RGSL1: variants seen among roughly 807,000 people sequenced by gnomAD.
The protein encoded by RGSL1 is regulator of G protein signaling protein-like.
Under a neutral mutation model 124.7 loss-of-function variants are expected in RGSL1, and 97 were observed. That is an observed-to-expected ratio of 0.78 (90% CI 0.66 to 0.92). The LOEUF (loss-of-function observed/expected upper bound fraction) is 0.92. RGSL1 is among the 40% of genes least tolerant of loss of function. The pLI is 0.00. For missense variants in RGSL1, 1,233 were observed against 1,288.4 expected, an observed-to-expected ratio of 0.96 and a Z score of 0.66; for synonymous variants, 424 against 438.1, an observed-to-expected ratio of 0.97 and a Z score of 0.40.
At chr1:182,488,912 T>C (rs1655314741) in intron 7 of RGSL1, 68 bp from the exon 8 acceptor site, 7 of 1,297,178 alleles carry the variant, frequency 5.4e-6, no homozygotes, top group East Asian at 2.5e-5. Flanking sequence ...ACTGAGTTAT[T>C]ACAAAATTAT....
intron 15 of RGSL1, among the ~76,000 whole-genome samples, chr1:182,544,612 T>C (rs900150218): frequency 1.3e-5 from 2 of 152,096 alleles, no homozygotes; most frequent in Non-Finnish European, 1.5e-5. Flanking sequence ...CTGCTATTAT[T>C]GTATTGCAAC....
intron 4 of RGSL1, among the ~76,000 whole-genome samples, chr1:182,463,725 G>A (rs1653043823): frequency 6.6e-6 from 1 of 152,084 alleles, no homozygotes; most frequent in Non-Finnish European, 1.5e-5. Flanking sequence ...AAGCAAAAAT[G>A]GACAGAACTG....
At chr1:182,483,375 C>A (rs1463459206) in intron 6 of RGSL1, among the ~76,000 whole-genome samples, 1 of 151,960 alleles carries the variant, frequency 6.6e-6, no homozygotes, top group Non-Finnish European at 1.5e-5. Flanking sequence ...TCAGAGACAT[C>A]AAGTTGTATA....
intron 2 of RGSL1, among the ~76,000 whole-genome samples, chr1:182,454,907 C>T (rs537171526): frequency 1.3e-5 from 2 of 152,232 alleles, no homozygotes; most frequent in African/African-American, 4.8e-5. Context: ...TGCACCCTTT[C>T]CCATAAGATG....
intron 15 of RGSL1, among the ~76,000 whole-genome samples, chr1:182,546,601 C>T (rs939405713): frequency 6.6e-6 from 1 of 152,112 alleles, no homozygotes; most frequent in African/African-American, 2.4e-5. Flanking sequence ...ACCATGTTGG[C>T]CAGGATGGTC....
chr1:182,515,785 CG>C, intron 9 of RGSL1, among the ~76,000 whole-genome samples: 1 of 152,096 alleles, frequency 6.6e-6, no homozygotes. Flanking sequence ...GCAGCTCGTA[CG>C]TGCTGCAGAC....
intron 15 of RGSL1, among the ~76,000 whole-genome samples, chr1:182,547,690 T>A (rs1660300909): frequency 1.3e-5 from 2 of 151,978 alleles, no homozygotes; most frequent in Admixed American, 6.6e-5. Flanking sequence ...TGAAATCCCG[T>A]CTCTACTAAA....
chr1:182,486,367 G>A (rs1397880257), intron 6 of RGSL1, among the ~76,000 whole-genome samples: 1 of 145,770 alleles, frequency 6.9e-6, no homozygotes, highest in Non-Finnish European at 1.5e-5. Context: ...CTGAAATGCA[G>A]TAGCACGATC....
At chr1:182,528,617 G>C (rs1052160295) in intron 11 of RGSL1, among the ~76,000 whole-genome samples, 1 of 152,268 alleles carries the variant, frequency 6.6e-6, no homozygotes, top group East Asian at 1.9e-4. Context: ...ATCCAGTAGG[G>C]CAGTCATTAA....
chr1:182,553,626 A>G, intron 19 of RGSL1, 85 bp downstream of exon 19: 2 of 1,147,134 alleles, frequency 1.7e-6, no homozygotes, highest in Non-Finnish European at 2.5e-6. Flanking sequence ...CCCCTTATTG[A>G]CAATAAGGAG....
In RGSL1 at chr1:182,536,725, C is replaced by T. The variant is rs544508149; in HGVS notation, c.2495-3522C>T. Among the ~76,000 whole-genome samples the T allele has an allele frequency of 5.6e-4, 86 of 152,274 alleles. 3 individuals are homozygous for T. The South Asian group carries it at 0.017, about 29-fold the overall frequency. On this transcript the variant is annotated intron_variant, in intron 14 of 21. Coordinates refer to ENST00000294854, the MANE Select transcript of RGSL1 (RefSeq NM_001137669.2). ...GCTAGGAGGAGCAAGCCACATCTTA[C>T]GTGGATGGCGGCAGGCAGAGAGGAG...
At chr1:182,549,085 G>A (rs987817520) in intron 17 of RGSL1, 5 of 345,780 alleles carry the variant, frequency 1.4e-5, no homozygotes, top group African/African-American at 1.0e-4. Context: ...CTTGCTTGGA[G>A]CAAGAATGTG....
chr1:182,559,386 T>G (rs961132739), intron 21 of RGSL1, among the ~76,000 whole-genome samples: 1 of 152,150 alleles, frequency 6.6e-6, no homozygotes, highest in Non-Finnish European at 1.5e-5. Flanking sequence ...CCCTCCCATA[T>G]TTTACATGCA....
intron 12 of RGSL1, 98 bp downstream of exon 12, chr1:182,530,459 T>C (rs1463131361): frequency 1.1e-6 from 1 of 938,106 alleles, no homozygotes; most frequent in Non-Finnish European, 1.6e-6. Context: ...TTTTCATAGC[T>C]CATTGCCAGA....
intron 4 of RGSL1, among the ~76,000 whole-genome samples, chr1:182,461,809 G>C (rs1652862586): frequency 6.6e-6 from 1 of 151,912 alleles, no homozygotes; most frequent in Non-Finnish European, 1.5e-5. Flanking sequence ...TAAATCTGAG[G>C]GACAGAAAGA....
At chr1:182,494,309 C>T (rs149706066) in intron 9 of RGSL1, among the ~76,000 whole-genome samples, 230 of 152,262 alleles carry the variant, frequency 1.5e-3, no homozygotes, top group African/African-American at 5.2e-3. Flanking sequence ...GAGCTTAATG[C>T]GATTGAACAG....
rs531534371 is a variant in RGSL1 at position 182,473,931 on chromosome 1, G to T, written c.820G>T (p.Ala274Ser). 4.5e-6 allele frequency: 7 copies of T among 1,552,064 alleles called. No homozygotes were observed. The Admixed American group carries it at 1.4e-4, about 30-fold the overall frequency. ...WSLEMDLKPD[A>S]IGMPLQETCP... ...TCTGGAAATGGATCTCAAGCCAGAT[G>T]CTATTGGTATGCCCCTACAGGAGAC... The change falls in exon 6 of 22, where the codon GCT (alanine) becomes TCT (serine). Residue 274 changes from alanine (A) to serine (S), a missense_variant. Coordinates refer to ENST00000294854, the MANE Select transcript of RGSL1 (RefSeq NM_001137669.2).
intron 9 of RGSL1, among the ~76,000 whole-genome samples, chr1:182,512,357 A>G (rs1217868105): frequency 6.6e-6 from 1 of 151,970 alleles, no homozygotes; most frequent in Admixed American, 6.6e-5. Context: ...CTTGTATGGA[A>G]TATCTTTTTC....
At chr1:182,479,569 C>A (rs1326599373) in intron 6 of RGSL1, among the ~76,000 whole-genome samples, 1 of 151,858 alleles carries the variant, frequency 6.6e-6, no homozygotes, top group Non-Finnish European at 1.5e-5. Flanking sequence ...GGAAGGACAG[C>A]AATAGAGAAA....
Sources: allele counts gnomAD v4.1 joint callset (sites outside exome capture counted in the v4.1 genomes callset), GRCh38; gene constraint gnomAD v4.1.1; transcripts MANE v1.5; gene names NCBI Gene and HGNC (gene_info 2026-07-23, HGNC 2026-07-21).